DIAPH2: variants seen among roughly 807,000 people sequenced by gnomAD.
DIAPH2 encodes the protein protein diaphanous homolog 2.
DIAPH2 carries 35 observed loss-of-function variants against 92.7 expected under a neutral mutation model. The ratio of observed to expected loss-of-function variants is 0.38; its 90% CI spans 0.29 to 0.50. The LOEUF (loss-of-function observed/expected upper bound fraction) is 0.50. DIAPH2 is among the 20% of genes least tolerant of loss of function. DIAPH2 has a pLI of 0.94. For missense variants in DIAPH2, 701 were observed against 819.5 expected, an observed-to-expected ratio of 0.86 and a Z score of 1.77; for synonymous variants, 301 against 280.4, an observed-to-expected ratio of 1.07 and a Z score of -0.73.
At chrX:97,099,256 C>T (rs1044410867) in intron 19 of DIAPH2, among the ~76,000 whole-genome samples, 2 of 110,428 alleles carry the variant, frequency 1.8e-5, no homozygotes, top group Admixed American at 9.7e-5. Flanking sequence ...ATCCCAGCTA[C>T]TCGTGAGGCT....
At chrX:96,726,754 A>G (rs970040469) in intron 1 of DIAPH2, among the ~76,000 whole-genome samples, 26 of 112,377 alleles carry the variant, frequency 2.3e-4, no homozygotes, top group Admixed American at 5.7e-4. Flanking sequence ...AAATGACTTA[A>G]TGACTGTAAA....
intron 15 of DIAPH2, among the ~76,000 whole-genome samples, chrX:96,951,789 A>G (rs762825857): frequency 8.9e-6 from 1 of 112,343 alleles, no homozygotes; most frequent in South Asian, 3.7e-4. Context: ...GGCTGGTAGC[A>G]TTTAATATAA....
At chrX:97,090,536 T>C (rs912838206) in intron 19 of DIAPH2, among the ~76,000 whole-genome samples, 19 of 109,188 alleles carry the variant, frequency 1.7e-4, no homozygotes, top group Non-Finnish European at 1.3e-4. Flanking sequence ...TTGGAAAGGG[T>C]CCCCAAAAAG....
intron 26 of DIAPH2, among the ~76,000 whole-genome samples, chrX:97,520,901 T>C (rs1386099779): frequency 8.9e-6 from 1 of 112,473 alleles, no homozygotes; most frequent in Non-Finnish European, 1.9e-5. Flanking sequence ...ACTTGTTTCA[T>C]CAACGAACCA....
In DIAPH2 at chrX:97,053,892, G is replaced by C. The variant is rs183596260; in HGVS notation, c.2051-19049G>C. ...GACTAGAGGGCATTGAATGAAAGCTGCCTGCATGCAGTCACTTCAGGCTCT... is the reference window on the plus strand; with the variant it reads ...GACTAGAGGGCATTGAATGAAAGCTCCCTGCATGCAGTCACTTCAGGCTCT... On this transcript the variant is annotated intron_variant, in intron 17 of 26. Transcript: ENST00000324765. Among the ~76,000 whole-genome samples, 3 of 111,837 alleles carry C rather than the reference G, an allele frequency of 2.7e-5. No individual in the cohort carries two copies. The East Asian group carries it at 8.5e-4, about 32-fold the overall frequency.
At chrX:97,328,342 G>A (rs2068969037) in intron 23 of DIAPH2, among the ~76,000 whole-genome samples, 1 of 111,302 alleles carries the variant, frequency 9.0e-6, no homozygotes, top group Admixed American at 9.6e-5. Flanking sequence ...GGCTGAGGTT[G>A]GAGAATCGCT....
At chrX:96,824,631 T>A (rs779326660) in intron 4 of DIAPH2, among the ~76,000 whole-genome samples, 1 of 112,003 alleles carries the variant, frequency 8.9e-6, no homozygotes, top group East Asian at 2.8e-4. Context: ...CCCCTCAAAG[T>A]GTTTTTGATT....
intron 4 of DIAPH2, among the ~76,000 whole-genome samples, chrX:96,833,501 A>T (rs2064868758): frequency 9.0e-6 from 1 of 111,095 alleles, no homozygotes; most frequent in Non-Finnish European, 1.9e-5. Flanking sequence ...TAGGAATGCA[A>T]ACAGTCCTAT....
At chrX:97,082,504 C>T (rs1186514932) in intron 19 of DIAPH2, among the ~76,000 whole-genome samples, 1 of 108,495 alleles carries the variant, frequency 9.2e-6, no homozygotes, top group Non-Finnish European at 1.9e-5. Context: ...TGGGGGCGCA[C>T]GCCTATAGTA....
intron 23 of DIAPH2, among the ~76,000 whole-genome samples, chrX:97,277,557 C>T (rs770729208): frequency 9.0e-6 from 1 of 110,816 alleles, no homozygotes; most frequent in Admixed American, 9.7e-5. Flanking sequence ...TCCAGCTGTA[C>T]AGACTGTATA....
chrX:97,081,627 C>T (rs1231097644), intron 19 of DIAPH2: 2 of 106,606 alleles, frequency 1.9e-5, no homozygotes, highest in African/African-American at 6.9e-5. Context: ...TTGAGACCAG[C>T]CTGCCAACAT....
At chrX:97,598,380 A>G (rs1416387484) in intron 26 of DIAPH2, among the ~76,000 whole-genome samples, 1 of 112,095 alleles carries the variant, frequency 8.9e-6, no homozygotes, top group African/African-American at 3.2e-5. Flanking sequence ...AAGTGTTAGC[A>G]TTTATGTAAG....
intron 22 of DIAPH2, among the ~76,000 whole-genome samples, chrX:97,205,345 G>C (rs748404327): frequency 1.5e-4 from 17 of 111,837 alleles, no homozygotes; most frequent in Non-Finnish European, 3.2e-4. Context: ...TAAACAAAGA[G>C]CTTCTGCACA....
At chrX:96,949,687 C>CA (rs1167294262) in intron 15 of DIAPH2, among the ~76,000 whole-genome samples, 1,102 of 40,292 alleles carry the variant, frequency 0.027, 13 homozygotes, top group South Asian at 0.035. Context: ...ACTAAAAATA[C>CA]AAAAAAAAAA....
intron 26 of DIAPH2, among the ~76,000 whole-genome samples, chrX:97,542,127 G>A (rs1436360033): frequency 8.9e-6 from 1 of 112,534 alleles, no homozygotes; most frequent in Middle Eastern, 4.2e-3. Context: ...TGAATCAGCA[G>A]AGAGCTGATT....
intron 23 of DIAPH2, among the ~76,000 whole-genome samples, chrX:97,285,048 C>G (rs2068528984): frequency 9.0e-6 from 1 of 111,547 alleles, no homozygotes; most frequent in Admixed American, 9.6e-5. Context: ...CTTTATAAAA[C>G]AATGAAAAAC....
intron 11 of DIAPH2, among the ~76,000 whole-genome samples, chrX:96,938,718 C>G (rs185234129): frequency 2.1e-4 from 24 of 112,037 alleles, no homozygotes; most frequent in Admixed American, 2.0e-3. Context: ...TATATCTTGT[C>G]TCTACTTTCC....
At position 97,525,520 on chromosome X, in the gene DIAPH2, A is replaced by C. The variant is rs925560709; in HGVS notation, c.3242-73733A>C. On this transcript the variant is annotated intron_variant, in intron 26 of 26. Transcript: ENST00000324765. The stretch of plus-strand genomic sequence containing the variant: ...GTTTCTTTACCTGCCTGTCTTTCCT[A>C]TTAGATAGTGAGCTCATTGGGAGCA... Among the ~76,000 whole-genome samples the C allele has an allele frequency of 2.7e-5, 3 of 111,939 alleles. No individual in the cohort carries two copies. In the East Asian group the frequency reaches 8.4e-4, roughly 31 times the overall value.
In DIAPH2 at chrX:96,717,534, AT is replaced by A. The variant is rs58337121; in HGVS notation, c.133-18209del. 3.3e-3 allele frequency among the ~76,000 whole-genome samples: 299 copies of A among 91,114 alleles called. 2 individuals carry two copies. Among genetic ancestry groups the A allele is most frequent in the African/African-American group, 8.8e-3 (223 of 25,222 alleles). 79.1% of individuals were successfully genotyped at this position (91,114 alleles called of 115,157 possible). On this transcript the variant is annotated intron_variant, in intron 1 of 26. Coordinates refer to ENST00000324765, the MANE Select transcript of DIAPH2 (RefSeq NM_006729.5). Reference sequence around the variant, plus strand: ...GAAATGACCCTTTTTATACCAGGTGATTTTTTTTTTTTTTTGCTGTGAAATC... The same window carrying A: ...GAAATGACCCTTTTTATACCAGGTGATTTTTTTTTTTTTTGCTGTGAAATC...
Sources: allele counts gnomAD v4.1 joint callset (sites outside exome capture counted in the v4.1 genomes callset), GRCh38; gene constraint gnomAD v4.1.1; transcripts MANE v1.5; gene names NCBI Gene and HGNC (gene_info 2026-07-23, HGNC 2026-07-21).